The following COL4A3 variants were observed in gnomAD, a reference collection of about 807,000 sequenced individuals.
The protein encoded by COL4A3 is collagen type IV alpha 3 chain, also known as collagen alpha-3(IV) chain.
A neutral mutation model predicts 217.4 loss-of-function variants in COL4A3; 135 were observed. The ratio of observed to expected loss-of-function variants is 0.62; its 90% CI spans 0.54 to 0.72. The LOEUF (loss-of-function observed/expected upper bound fraction) is 0.72. COL4A3 is among the 30% of genes least tolerant of loss of function. The pLI, the probability that COL4A3 is intolerant of heterozygous loss-of-function variation, is 0.00. For synonymous variants in COL4A3, 690 were observed against 736.3 expected (o/e 0.94, Z 1.02); for missense variants, 1,868 against 2,119.9 (o/e 0.88, Z 2.33).
rs2071824103 is a variant in COL4A3, at chr2:227,279,711, G to T, written c.2126-82G>T. The T allele has an allele frequency of 2.1e-5, 19 of 925,476 alleles. No individual in the cohort carries two copies. The South Asian group carries it at 3.0e-4, about 15-fold the overall frequency. 57.3% of individuals were successfully genotyped at this position (925,476 alleles called of 1,614,324 possible). A position where few individuals can be genotyped will look rare whatever the true frequency, so the allele number is the denominator to read the frequency against. ...AATTTTCATAAAAGCATCTCTAGCT[G>T]GTTGAGAGATAAGAGAGTTACTGCT... On this transcript the variant is annotated intron_variant, in intron 28 of 51. Coordinates refer to ENST00000396578, the MANE Select transcript of COL4A3 (RefSeq NM_000091.5).
chr2:227,257,490 G>T (rs1027910655), intron 17 of COL4A3, 113 bp from the exon 18 acceptor site: 1 of 881,560 alleles, frequency 1.1e-6, no homozygotes, highest in Non-Finnish European at 1.9e-6. Context: ...AATTTGGTTT[G>T]TACATGACAT....
intron 1 of COL4A3, among the ~76,000 whole-genome samples, chr2:227,231,067 C>T (rs975522196): frequency 2.0e-5 from 3 of 152,198 alleles, no homozygotes; most frequent in African/African-American, 7.2e-5. Context: ...TCCACTAACG[C>T]AGGCATAGAA....
intron 35 of COL4A3, among the ~76,000 whole-genome samples, chr2:227,289,662 CA>C (rs2072557965): frequency 6.6e-6 from 1 of 152,094 alleles, no homozygotes; most frequent in South Asian, 2.1e-4. Flanking sequence ...ATCTCAGTAA[CA>C]AAATATATGA....
At chr2:227,266,332 C>A in intron 21 of COL4A3, 85 bp from the exon 22 acceptor site, 2 of 991,582 alleles carry the variant, frequency 2.0e-6, no homozygotes, top group Non-Finnish European at 3.1e-6. Flanking sequence ...GAGAGAGATG[C>A]ATTTTAAATA....
At chr2:227,271,049 C>A in intron 25 of COL4A3, 97 bp downstream of exon 25, 1 of 1,051,544 alleles carries the variant, frequency 9.5e-7, no homozygotes, top group Non-Finnish European at 1.5e-6. Context: ...CCGCTCAGCA[C>A]AGTTCATCAC....
chr2:227,266,911 T>C (rs2125982161), intron 22 of COL4A3, 82 bp from the exon 23 acceptor site: 1 of 901,676 alleles, frequency 1.1e-6, no homozygotes, highest in Non-Finnish European at 1.9e-6. Context: ...ATGTAATAAA[T>C]GATAGTGTGG....
chr2:227,178,690 A>T (rs1267236117), intron 1 of COL4A3, among the ~76,000 whole-genome samples: 1 of 150,482 alleles, frequency 6.6e-6, no homozygotes, highest in Non-Finnish European at 1.5e-5. Context: ...ACATCACCAC[A>T]TCCAGCTAAT....
intron 1 of COL4A3, among the ~76,000 whole-genome samples, chr2:227,210,768 CAG>C (rs2067287435): frequency 1.3e-5 from 2 of 152,328 alleles, no homozygotes; most frequent in Admixed American, 6.5e-5. Context: ...AAATGCAATT[CAG>C]ACTTTTATGT....
intron 1 of COL4A3, among the ~76,000 whole-genome samples, chr2:227,196,107 G>A (rs1470993309): frequency 6.6e-6 from 1 of 151,946 alleles, no homozygotes; most frequent in Non-Finnish European, 1.5e-5. Flanking sequence ...GTTATAGTGG[G>A]CTCAGGTTAA....
At chr2:227,229,517 G>A (rs115510684) in intron 1 of COL4A3, among the ~76,000 whole-genome samples, 5,245 of 152,282 alleles carry the variant, frequency 0.034, 141 homozygotes, top group Middle Eastern at 0.099. Flanking sequence ...GACTTCAAGA[G>A]GAAATGTCAG....
At chr2:227,237,270 T>C (rs1322535747) in intron 1 of COL4A3, among the ~76,000 whole-genome samples, 1 of 152,186 alleles carries the variant, frequency 6.6e-6, no homozygotes, top group African/African-American at 2.4e-5. Context: ...AGATGTGTAA[T>C]GGGTATTGAT....
At position 227,281,061 on chromosome 2, in the gene COL4A3, T is replaced by TG. The variant is rs942492187; in HGVS notation, c.2488+56dup. The TG allele has an allele frequency of 1.1e-5, 12 of 1,075,964 alleles. No homozygotes were observed. The African/African-American group carries it at 1.3e-4, about 11-fold the overall frequency. 66.7% of individuals were successfully genotyped at this position (1,075,964 alleles called of 1,614,324 possible). A position where few individuals can be genotyped will look rare whatever the true frequency, so the allele number is the denominator to read the frequency against. Reference sequence around the variant, plus strand: ...AGAAGGGCAGGAGACATGAGACTCCTGCTCTGTGCTTTGCTGCTTAACATG... The same window carrying TG: ...AGAAGGGCAGGAGACATGAGACTCCTGGCTCTGTGCTTTGCTGCTTAACATG... On this transcript the variant is annotated intron_variant, in intron 31 of 51. Coordinates refer to ENST00000396578, the MANE Select transcript of COL4A3 (RefSeq NM_000091.5).
intron 1 of COL4A3, among the ~76,000 whole-genome samples, chr2:227,205,701 T>A (rs2067075003): frequency 7.1e-6 from 1 of 140,342 alleles, no homozygotes; most frequent in African/African-American, 2.7e-5. Flanking sequence ...ACAACTTAAT[T>A]CAACAAATAT....
chr2:227,255,403 C>T (rs941908833), intron 15 of COL4A3, among the ~76,000 whole-genome samples: 4 of 152,126 alleles, frequency 2.6e-5, no homozygotes, highest in African/African-American at 9.7e-5. Context: ...TGTGTTAAAT[C>T]TCTAAAAGTT....
chr2:227,231,477 A>G (rs900173323), intron 1 of COL4A3, among the ~76,000 whole-genome samples: 3 of 152,154 alleles, frequency 2.0e-5, no homozygotes, highest in African/African-American at 7.2e-5. Flanking sequence ...AGAATGGGGC[A>G]TCCATCCCCT....
intron 1 of COL4A3, among the ~76,000 whole-genome samples, chr2:227,212,633 A>G (rs534283099): frequency 6.6e-6 from 1 of 152,302 alleles, no homozygotes; most frequent in African/African-American, 2.4e-5. Flanking sequence ...CTGTACACCA[A>G]CACCACAGTA....
rs1417208972 is a variant in COL4A3, at chr2:227,293,260, T to C, written c.3280T>C (p.Leu1094=). The change falls in exon 38 of 52, where the codon TTG becomes CTG. Residue 1094 remains leucine, a synonymous_variant. Coordinates refer to ENST00000396578, the MANE Select transcript of COL4A3 (RefSeq NM_000091.5). ...GGGGCAACCTGGCCCACCTGGACATTTGGGGCCTGCTGGACCTGAGGGAGC... is the reference window on the plus strand; with the variant it reads ...GGGGCAACCTGGCCCACCTGGACATCTGGGGCCTGCTGGACCTGAGGGAGC... ...EMGQPGPPGH[L]GPAGPEGAPG... The C allele has an allele frequency of 6.2e-6, 10 of 1,613,702 alleles. No individual in the cohort carries two copies. Among genetic ancestry groups the C allele is most frequent in the Non-Finnish European group, 6.8e-6 (8 of 1,180,020 alleles).
At chr2:227,283,608 C>T (rs1273590871) in intron 32 of COL4A3, among the ~76,000 whole-genome samples, 159 bp from the exon 33 acceptor site, 1 of 152,238 alleles carries the variant, frequency 6.6e-6, no homozygotes, top group Non-Finnish European at 1.5e-5. Flanking sequence ...CACTTACCGA[C>T]CCATCTCCTA....
At chr2:227,199,133 G>A (rs112559130) in intron 1 of COL4A3, among the ~76,000 whole-genome samples, 97 of 152,166 alleles carry the variant, frequency 6.4e-4, no homozygotes, top group African/African-American at 2.3e-3. Flanking sequence ...AGGCTCAGAG[G>A]AACATATTAC....
Sources: gnomAD v4.1 joint callset for allele counts (sites outside exome capture counted in the v4.1 genomes callset) on GRCh38, gnomAD v4.1.1 for gene constraint, MANE v1.5 for transcripts, NCBI Gene and HGNC (gene_info 2026-07-23, HGNC 2026-07-21) for gene names.